Variants in NBEA observed in about 807,000 individuals in gnomAD.
NBEA encodes the protein neurobeachin.
A neutral mutation model predicts 343.4 loss-of-function variants in NBEA; 44 were observed. The ratio of observed to expected loss-of-function variants is 0.13; its 90% CI spans 0.10 to 0.16. The LOEUF (loss-of-function observed/expected upper bound fraction) is 0.16. Among genes scored for constraint, NBEA ranks in the 10% least tolerant of loss-of-function variants. The probability of loss-of-function intolerance (pLI) is 1.00; values close to 1 mark genes in which losing one functional copy is unlikely to be tolerated. For synonymous variants in NBEA, 1,175 were observed against 1,238.7 expected (o/e 0.95, Z 1.08); for missense variants, 2,555 against 3,631.3 (o/e 0.70, Z 7.62).
intron 41 of NBEA, among the ~76,000 whole-genome samples, chr13:35,498,441 A>G: frequency 6.6e-6 from 1 of 152,076 alleles, no homozygotes; most frequent in East Asian, 1.9e-4. Context: ...AGTGACACAT[A>G]GCTACTATAC....
intron 18 of NBEA, among the ~76,000 whole-genome samples, chr13:35,153,751 G>A (rs1319087317): frequency 6.6e-6 from 1 of 152,042 alleles, no homozygotes; most frequent in Non-Finnish European, 1.5e-5. Flanking sequence ...CTTCTCTTTT[G>A]GTTGAAAACA....
rs372564869 is a variant in NBEA, at chr13:35,593,284, T to A, written c.7177-44T>A. On this transcript the variant is annotated intron_variant, in intron 46 of 58. Transcript: ENST00000379939. ...TGTTTCACAAAGGAACGAGGGCAGC[T>A]GTGTTTAGAGTGGTCAAATTTCTGA... The A allele has an allele frequency of 7.5e-6, 12 of 1,602,124 alleles. No homozygotes were observed. The Admixed American group carries it at 2.0e-4, about 27-fold the overall frequency.
At chr13:35,255,636 A>G (rs572458253) in intron 34 of NBEA, among the ~76,000 whole-genome samples, 2 of 152,352 alleles carry the variant, frequency 1.3e-5, no homozygotes, top group South Asian at 4.1e-4. Flanking sequence ...GGGCAAGATG[A>G]TAGCACCTGG....
intron 41 of NBEA, among the ~76,000 whole-genome samples, chr13:35,478,713 G>C (rs997993898): frequency 3.9e-5 from 6 of 152,236 alleles, no homozygotes; most frequent in Non-Finnish European, 7.3e-5. Context: ...GCCCAGGTGT[G>C]GTCGCAGCCA....
rs535917994 is a variant in NBEA, at chr13:35,556,670, T to G, written c.6922+1568T>G. ...GCCTTATAAACTATTTTTCTTAATT[T>G]GAACTCAAAAATCAATTAACATTTT... On this transcript the variant is annotated intron_variant, in intron 44 of 58. Transcript: ENST00000379939. Among the ~76,000 whole-genome samples, 296 of 152,214 alleles carry G rather than the reference T, an allele frequency of 1.9e-3. 2 individuals are homozygous for G. Among genetic ancestry groups the G allele is most frequent in the Non-Finnish European group, 2.4e-3 (162 of 67,946 alleles).
chr13:35,433,186 T>C (rs1456834297), intron 39 of NBEA, among the ~76,000 whole-genome samples: 1 of 152,086 alleles, frequency 6.6e-6, no homozygotes, highest in Non-Finnish European at 1.5e-5. Context: ...CTTTAGATTG[T>C]TTTCTGCTAA....
At chr13:35,447,734 C>A (rs535182193) in intron 39 of NBEA, among the ~76,000 whole-genome samples, 2 of 152,240 alleles carry the variant, frequency 1.3e-5, no homozygotes, top group African/African-American at 4.8e-5. Context: ...CCAAGGCGTT[C>A]TGGTAGTTTG....
At chr13:35,202,976 A>G (rs1315221806) in intron 31 of NBEA, among the ~76,000 whole-genome samples, 1 of 152,072 alleles carries the variant, frequency 6.6e-6, no homozygotes, top group Non-Finnish European at 1.5e-5. Context: ...TAATATTGCC[A>G]AAATTTGAAT....
intron 53 of NBEA, 49 bp downstream of exon 53, chr13:35,651,925 CAT>C (rs1174172866): frequency 9.2e-6 from 9 of 978,356 alleles, no homozygotes; most frequent in Non-Finnish European, 1.4e-5. Context: ...TCCATATATT[CAT>C]ATATAGTTAT....
intron 43 of NBEA, among the ~76,000 whole-genome samples, chr13:35,552,824 T>G (rs1331045805): frequency 6.6e-6 from 1 of 152,160 alleles, no homozygotes; most frequent in East Asian, 1.9e-4. Context: ...TTATTTTATT[T>G]CTTACCTATG....
intron 55 of NBEA, among the ~76,000 whole-genome samples, chr13:35,664,167 A>G (rs2085239085): frequency 6.6e-6 from 1 of 152,188 alleles, no homozygotes; most frequent in Non-Finnish European, 1.5e-5. Context: ...GAGGTCCCAT[A>G]AGTGCCAAAG....
chr13:34,989,923 T>C (rs1424742414), intron 1 of NBEA, among the ~76,000 whole-genome samples: 4 of 151,002 alleles, frequency 2.6e-5, no homozygotes, highest in African/African-American at 9.7e-5. Context: ...ACAAAGGGGT[T>C]ACAGACCCCA....
At chr13:34,966,255 A>G (rs1213495631) in intron 1 of NBEA, among the ~76,000 whole-genome samples, 3 of 151,992 alleles carry the variant, frequency 2.0e-5, no homozygotes, top group African/African-American at 7.2e-5. Context: ...GATTCATCTG[A>G]TTGGATAGAG....
At chr13:35,359,806 T>G (rs556182241) in intron 38 of NBEA, among the ~76,000 whole-genome samples, 2 of 150,756 alleles carry the variant, frequency 1.3e-5, no homozygotes, top group Non-Finnish European at 1.5e-5. Context: ...AATAGCCCCT[T>G]GAGTTTAATA....
At chr13:34,960,075 G>A (rs778370184) in intron 1 of NBEA, among the ~76,000 whole-genome samples, 1 of 152,152 alleles carries the variant, frequency 6.6e-6, no homozygotes, top group Non-Finnish European at 1.5e-5. Flanking sequence ...TATGATAAGA[G>A]ATGACAGCTC....
At position 35,117,297 on chromosome 13, in the gene NBEA, A is replaced by T. The variant is rs573807975; in HGVS notation, c.2003-117A>T. 679 of 365,246 alleles carry T rather than the reference A, an allele frequency of 1.9e-3. 4 individuals are homozygous for T. Among genetic ancestry groups the T allele is most frequent in the African/African-American group, 0.014 (644 of 46,484 alleles). 22.6% of individuals were successfully genotyped at this position (365,246 alleles called of 1,614,324 possible). A position where few individuals can be genotyped will look rare whatever the true frequency, so the allele number is the denominator to read the frequency against. Reference sequence around the variant, plus strand: ...AAAATTTTATAGCATTAATATAAATATTGTAATTTTAATAAAGATAATTAT... The same window carrying T: ...AAAATTTTATAGCATTAATATAAATTTTGTAATTTTAATAAAGATAATTAT... On this transcript the variant is annotated intron_variant, in intron 13 of 58. Coordinates refer to ENST00000379939, the MANE Select transcript of NBEA (RefSeq NM_001385012.1).
chr13:35,276,606 T>C (rs931836025), intron 34 of NBEA, among the ~76,000 whole-genome samples: 1 of 152,192 alleles, frequency 6.6e-6, no homozygotes, highest in Non-Finnish European at 1.5e-5. Context: ...TTTATTATTA[T>C]ACTCTCTGGG....
At chr13:35,110,003 G>T in intron 12 of NBEA, among the ~76,000 whole-genome samples, 1 of 132,094 alleles carries the variant, frequency 7.6e-6, no homozygotes. Flanking sequence ...ATTAATTATT[G>T]CCTAAGCCCA....
At chr13:35,177,701 A>G (rs1032804427) in intron 28 of NBEA, among the ~76,000 whole-genome samples, 2 of 151,814 alleles carry the variant, frequency 1.3e-5, no homozygotes, top group African/African-American at 2.4e-5. Context: ...AGAAACATAT[A>G]TGGTGTTTCA....
Sources: gnomAD v4.1 joint callset for allele counts (sites outside exome capture counted in the v4.1 genomes callset) on GRCh38, gnomAD v4.1.1 for gene constraint, MANE v1.5 for transcripts, NCBI Gene and HGNC (gene_info 2026-07-23, HGNC 2026-07-21) for gene names.